The following DNAJC15 variants were observed in gnomAD, a reference collection of about 807,000 sequenced individuals.
The protein encoded by DNAJC15 is dnaJ homolog subfamily C member 15.
A neutral mutation model predicts 22.4 loss-of-function variants in DNAJC15; 27 were observed. The ratio of observed to expected loss-of-function variants is 1.20; its 90% CI spans 0.89 to 1.66. DNAJC15 has a LOEUF of 1.66. Among genes scored for constraint, DNAJC15 ranks in the 40% most tolerant of loss-of-function variants. The pLI is 0.00. For synonymous variants in DNAJC15, 79 were observed against 63.2 expected (o/e 1.25, Z -1.19); for missense variants, 208 against 187.1 (o/e 1.11, Z -0.65).
chr13:43,051,416 C>T (rs1257843005), intron 1 of DNAJC15, among the ~76,000 whole-genome samples: 1 of 152,148 alleles, frequency 6.6e-6, no homozygotes, highest in Non-Finnish European at 1.5e-5. Context: ...TTTTATCCCT[C>T]GCTCCCACCC....
chr13:43,068,909 T>A (rs1197366825), intron 2 of DNAJC15, 21 bp from the exon 3 acceptor site: 4 of 1,603,870 alleles, frequency 2.5e-6, no homozygotes, highest in Non-Finnish European at 3.4e-6. Context: ...TACATTTGCT[T>A]TTATTCCCTT....
intron 1 of DNAJC15, among the ~76,000 whole-genome samples, chr13:43,038,478 T>G (rs1400802368): frequency 6.6e-6 from 1 of 152,172 alleles, no homozygotes. Context: ...ATTTTTGTAT[T>G]AAACATAGGA....
chr13:43,063,248 G>A (rs896634767), intron 1 of DNAJC15, among the ~76,000 whole-genome samples: 1 of 152,168 alleles, frequency 6.6e-6, no homozygotes, highest in African/African-American at 2.4e-5. Context: ...GACCTCAGGT[G>A]ATCTGCCCGT....
chr13:43,077,359 A>G (rs982079701), intron 3 of DNAJC15, among the ~76,000 whole-genome samples: 6 of 152,230 alleles, frequency 3.9e-5, no homozygotes, highest in Non-Finnish European at 7.3e-5. Context: ...CTTAGCATAA[A>G]CAACTCCAGA....
chr13:43,030,932 A>G (rs2040401672), intron 1 of DNAJC15, among the ~76,000 whole-genome samples: 1 of 152,236 alleles, frequency 6.6e-6, no homozygotes, highest in South Asian at 2.1e-4. Flanking sequence ...ATTGTTTCTT[A>G]TTTGGGAAAT....
intron 5 of DNAJC15, among the ~76,000 whole-genome samples, chr13:43,089,495 C>G (rs1261023907): frequency 2.0e-5 from 3 of 152,150 alleles, no homozygotes; most frequent in Admixed American, 6.5e-5. Flanking sequence ...TGAGAAGGAG[C>G]TAGCTGTGTG....
chr13:43,083,587 G>T (rs185804593), intron 4 of DNAJC15, among the ~76,000 whole-genome samples: 88 of 152,252 alleles, frequency 5.8e-4, no homozygotes, highest in African/African-American at 2.0e-3. Flanking sequence ...AGTAATAAAG[G>T]CAAGATGTGC....
At position 43,110,327 on chromosome 13, in the gene DNAJC15, A is replaced by G. The variant is rs1243843772; in HGVS notation, c.*3079A>G. The G allele has an allele frequency of 6.6e-6, 1 of 152,240 alleles. No homozygotes were observed. Among genetic ancestry groups the G allele is most frequent in the African/African-American group, 2.4e-5 (1 of 41,438 alleles). 9.4% of individuals were successfully genotyped at this position (152,240 alleles called of 1,614,324 possible). On this transcript the variant is annotated 3_prime_UTR_variant, in exon 6 of 6. Coordinates refer to ENST00000379221, the MANE Select transcript of DNAJC15 (RefSeq NM_013238.3). ...CTGCCAAATTGTTCTGGGTCTGGAA[A>G]CTGTCAGGGCATCACTTGTGCCATA... is the stretch of plus-strand genomic sequence containing the variant.
chr13:43,065,418 A>G (rs2040578932), intron 1 of DNAJC15, among the ~76,000 whole-genome samples: 1 of 152,194 alleles, frequency 6.6e-6, no homozygotes, highest in Non-Finnish European at 1.5e-5. Context: ...AATTATAGCA[A>G]TAGGTAGTAT....
At chr13:43,092,804 C>T (rs1267587167) in intron 5 of DNAJC15, among the ~76,000 whole-genome samples, 1 of 152,152 alleles carries the variant, frequency 6.6e-6, no homozygotes, top group Non-Finnish European at 1.5e-5. Flanking sequence ...GTTCCAGCTA[C>T]TTGTGAAGCT....
At chr13:43,029,660 GTTA>G (rs995356280) in intron 1 of DNAJC15, among the ~76,000 whole-genome samples, 4 of 151,746 alleles carry the variant, frequency 2.6e-5, no homozygotes, top group Non-Finnish European at 4.4e-5. Context: ...TGTTGCTGTT[GTTA>G]TTTTGGTTTT....
intron 5 of DNAJC15, among the ~76,000 whole-genome samples, chr13:43,097,266 G>T (rs1272272121): frequency 6.6e-6 from 1 of 152,136 alleles, no homozygotes; most frequent in Non-Finnish European, 1.5e-5. Flanking sequence ...AATGAAGAAA[G>T]AATATTTCAG....
chr13:43,097,393 T>C (rs1012129549), intron 5 of DNAJC15, among the ~76,000 whole-genome samples: 1 of 152,072 alleles, frequency 6.6e-6, no homozygotes, highest in South Asian at 2.1e-4. Context: ...GGAAATACAA[T>C]TGGAGAGGAA....
chr13:43,083,945 C>T (rs955166655), intron 4 of DNAJC15, among the ~76,000 whole-genome samples: 4 of 152,122 alleles, frequency 2.6e-5, no homozygotes, highest in Non-Finnish European at 2.9e-5. Flanking sequence ...ATTTTATGTG[C>T]CTACTCAGCA....
At chr13:43,062,277 CAAAAAAG>C (rs1230519882) in intron 1 of DNAJC15, among the ~76,000 whole-genome samples, 1 of 151,960 alleles carries the variant, frequency 6.6e-6, no homozygotes, top group Non-Finnish European at 1.5e-5. Context: ...GAGCTGTGGC[CAAAAAAG>C]AAACAAGGCA....
At chr13:43,097,082 T>A (rs1311814131) in intron 5 of DNAJC15, among the ~76,000 whole-genome samples, 1 of 152,166 alleles carries the variant, frequency 6.6e-6, no homozygotes, top group Non-Finnish European at 1.5e-5. Context: ...AAAAGGCTGA[T>A]ATAAAAAATG....
chr13:43,072,423 CTA>C (rs1472291363), intron 3 of DNAJC15, among the ~76,000 whole-genome samples: 2 of 152,158 alleles, frequency 1.3e-5, no homozygotes, highest in Non-Finnish European at 2.9e-5. Flanking sequence ...TGTCTGTCCT[CTA>C]TGTCTCTTAC....
chr13:43,051,878 T>C (rs190568534), intron 1 of DNAJC15, among the ~76,000 whole-genome samples: 25 of 152,340 alleles, frequency 1.6e-4, no homozygotes, highest in African/African-American at 6.0e-4. Context: ...CTGTTTTTCA[T>C]AGGGGTTGTA....
chr13:43,079,950 A>G (rs2040654066), intron 4 of DNAJC15, among the ~76,000 whole-genome samples: 1 of 152,226 alleles, frequency 6.6e-6, no homozygotes, highest in Non-Finnish European at 1.5e-5. Flanking sequence ...TTTAACACCT[A>G]TTAAATGGGT....
Sources: allele counts gnomAD v4.1 joint callset (sites outside exome capture counted in the v4.1 genomes callset), GRCh38; gene constraint gnomAD v4.1.1; transcripts MANE v1.5; gene names NCBI Gene and HGNC (gene_info 2026-07-23, HGNC 2026-07-21).